The following PPFIA1 variants were observed in gnomAD, a reference collection of about 807,000 sequenced individuals.
PPFIA1 encodes the protein liprin-alpha-1.
In PPFIA1, 25 loss-of-function variants were observed where a neutral mutation model predicts 149.9. The ratio of observed to expected loss-of-function variants is 0.17; its 90% confidence interval spans 0.12 to 0.23. The LOEUF (loss-of-function observed/expected upper bound fraction) is 0.23, where lower values mean the gene tolerates loss of function less well. Ranked by LOEUF, PPFIA1 falls within the 10% of genes least tolerant of loss-of-function variation. The pLI is 1.00. For missense variants in PPFIA1, 1,362 were observed against 1,506.5 expected, an observed-to-expected ratio of 0.90 and a Z score of 1.59; for synonymous variants, 549 against 552.8, an observed-to-expected ratio of 0.99 and a Z score of 0.10.
At chr11:70,293,515 C>T (rs1487867163) in intron 2 of PPFIA1, among the ~76,000 whole-genome samples, 1 of 152,148 alleles carries the variant, frequency 6.6e-6, no homozygotes, top group South Asian at 2.1e-4. Flanking sequence ...AATAGAGTCG[C>T]GGTGGCAAGG....
chr11:70,374,330 G>C (rs1314399777), intron 23 of PPFIA1: 1 of 152,222 alleles, frequency 6.6e-6, no homozygotes, highest in African/African-American at 2.4e-5. Context: ...ATGGTACCAG[G>C]CTGTATCCAG....
chr11:70,378,616 C>A, intron 26 of PPFIA1: 1 of 289,584 alleles, frequency 3.5e-6, no homozygotes, highest in Non-Finnish European at 5.2e-6. Context: ...TTTTTAAGAA[C>A]ACACAGTTTC....
chr11:70,382,901 G>T lies in PPFIA1; in HGVS notation c.*13-102G>T, dbSNP rs139133165. On this transcript the variant is annotated intron_variant, in intron 27 of 27. Transcript: ENST00000253925. ...AAGTGAGGGGTCCTGGAGGGGAGGG[G>T]TCAGTGTCGGGGGGACGTTTGGGCC... is the stretch of plus-strand genomic sequence containing the variant. 7.2e-3 allele frequency: 2,442 copies of T among 340,058 alleles called. 22 individuals carry two copies. Among genetic ancestry groups the T allele is most frequent in the Middle Eastern group, 0.015 (39 of 2,676 alleles). 21.1% of individuals were successfully genotyped at this position (340,058 alleles called of 1,614,324 possible). A position where few individuals can be genotyped will look rare whatever the true frequency, so the allele number is the denominator to read the frequency against.
At chr11:70,349,288 T>C (rs1396734905) in intron 16 of PPFIA1, among the ~76,000 whole-genome samples, 1 of 152,164 alleles carries the variant, frequency 6.6e-6, no homozygotes, top group East Asian at 1.9e-4. Flanking sequence ...TGCAATGACC[T>C]TCTGGTGTTT....
chr11:70,382,072 G>A lies in PPFIA1; in HGVS notation c.3551-16G>A, dbSNP rs781089812. Reference sequence around the variant, plus strand: ...ACGCTGTGTTTGCACGCTTCCTCTCGTGGCTGTTGAAACAGGCAATGTATC... The same window carrying A: ...ACGCTGTGTTTGCACGCTTCCTCTCATGGCTGTTGAAACAGGCAATGTATC... On this transcript the variant is annotated splice_polypyrimidine_tract_variant and intron_variant, in intron 26 of 27. Transcript: ENST00000253925. The A allele has an allele frequency of 9.3e-6, 15 of 1,613,434 alleles. 1 individual carries two copies. In the South Asian group the frequency reaches 9.9e-5, roughly 11 times the overall value.
At chr11:70,313,966 C>A (rs949038119) in intron 2 of PPFIA1, among the ~76,000 whole-genome samples, 1 of 152,102 alleles carries the variant, frequency 6.6e-6, no homozygotes, top group Non-Finnish European at 1.5e-5. Context: ...TTCAGTGAGC[C>A]GTGATTGCCC....
chr11:70,359,944 T>G (rs1313285227), intron 19 of PPFIA1, among the ~76,000 whole-genome samples: 2 of 152,224 alleles, frequency 1.3e-5, no homozygotes, highest in Admixed American at 6.5e-5. Context: ...CTTCCCGTGA[T>G]TGGAACAGTC....
intron 26 of PPFIA1, among the ~76,000 whole-genome samples, chr11:70,380,286 G>A (rs2057656424): frequency 1.3e-5 from 2 of 151,790 alleles, no homozygotes; most frequent in South Asian, 2.1e-4. Flanking sequence ...CAAAAAAATC[G>A]GCCGGGCTCG....
chr11:70,331,767 G>A (rs1242701014), intron 8 of PPFIA1, among the ~76,000 whole-genome samples, 193 bp from the exon 9 acceptor site: 1 of 150,016 alleles, frequency 6.7e-6, no homozygotes, highest in East Asian at 1.9e-4. Context: ...GTGACAAAGC[G>A]AGACTATGTC....
rs2054309385 is a variant in PPFIA1 at position 70,326,667 on chromosome 11, G to A, written c.779G>A (p.Ser260Asn). ...GTAATTGAGCTCCAAGAAATCATAA[G>A]TAAGCAGTCAAGGGAACAGAGCCAA... ...AKVIELQEII[S>N]KQSREQSQMK... Residue 260 changes from serine to asparagine, a missense_variant, in exon 7 of 28, where the codon AGT becomes AAT. Ser to Asn is a conservative substitution (Grantham distance 46, BLOSUM62 1). This residue lies in a region of PPFIA1 where 733 missense variants were observed against 744.1 expected (regional missense o/e 0.99). Coordinates refer to ENST00000253925, the MANE Select transcript of PPFIA1 (RefSeq NM_003626.5). 1 of 1,614,000 alleles carries A rather than the reference G, an allele frequency of 6.2e-7. No individual in the cohort carries two copies. The highest frequency in any genetic ancestry group is 1.3e-5 in the African/African-American group (1 of 74,880).
chr11:70,344,094 C>G (rs922521286), intron 15 of PPFIA1, among the ~76,000 whole-genome samples: 8 of 152,244 alleles, frequency 5.3e-5, no homozygotes, highest in Admixed American at 4.6e-4. Flanking sequence ...GGCACTCTCC[C>G]CACAGTTACG....
chr11:70,341,724 C>T (rs1391576533), intron 14 of PPFIA1: 2 of 154,782 alleles, frequency 1.3e-5, no homozygotes, highest in Admixed American at 1.3e-4. Context: ...GAATGGAGCT[C>T]TGGGGTGCTC....
chr11:70,354,238 A>T, intron 16 of PPFIA1, 63 bp from the exon 17 acceptor site: 1 of 1,506,464 alleles, frequency 6.6e-7, no homozygotes, highest in South Asian at 1.3e-5. Flanking sequence ...TATGGCTATA[A>T]TTTAAGGCCT....
intron 26 of PPFIA1, chr11:70,381,173 G>C (rs2057696240): frequency 6.6e-6 from 1 of 152,086 alleles, no homozygotes; most frequent in Non-Finnish European, 1.5e-5. Flanking sequence ...AGGTTCTTAA[G>C]AGTCAGAGGG....
chr11:70,320,471 A>T (rs2053871346), intron 2 of PPFIA1, among the ~76,000 whole-genome samples: 1 of 135,606 alleles, frequency 7.4e-6, no homozygotes, highest in Non-Finnish European at 1.5e-5. Flanking sequence ...CGCTCTCGTC[A>T]CCCGGCCTGG....
intron 16 of PPFIA1, among the ~76,000 whole-genome samples, chr11:70,352,786 TGTGG>T (rs2137303199): frequency 1.4e-5 from 1 of 72,514 alleles, no homozygotes; most frequent in Admixed American, 1.6e-4. Flanking sequence ...GAGGGCGGCG[TGTGG>T]AGGGGTGGGA....
chr11:70,337,294 C>A, intron 11 of PPFIA1, 71 bp from the exon 12 acceptor site: 1 of 1,020,688 alleles, frequency 9.8e-7, no homozygotes, highest in Non-Finnish European at 1.4e-6. Flanking sequence ...TTTTTTTAAA[C>A]GAATACAGCC....
chr11:70,360,752 A>G (rs1453537468), intron 19 of PPFIA1, among the ~76,000 whole-genome samples: 3 of 152,258 alleles, frequency 2.0e-5, no homozygotes, highest in Non-Finnish European at 4.4e-5. Context: ...ATTGAAATGT[A>G]TTGAAGAGCC....
intron 2 of PPFIA1, among the ~76,000 whole-genome samples, chr11:70,311,877 C>T (rs1369061439): frequency 7.6e-6 from 1 of 132,232 alleles, no homozygotes; most frequent in Non-Finnish European, 1.6e-5. Context: ...CAGGGTTCAC[C>T]TTGTCACCCA....
Sources: allele counts gnomAD v4.1 joint callset (sites outside exome capture counted in the v4.1 genomes callset), GRCh38; gene constraint gnomAD v4.1.1; regional missense constraint gnomAD v4.1.1; transcripts MANE v1.5; gene names NCBI Gene and HGNC (gene_info 2026-07-23, HGNC 2026-07-21).